VTI1A: variants seen among roughly 807,000 people sequenced by gnomAD.
VTI1A encodes the protein vesicle transport through interaction with t-SNAREs 1A.
VTI1A carries 22 observed loss-of-function variants against 34.9 expected under a neutral mutation model. That is an observed-to-expected ratio of 0.63 (90% CI 0.45 to 0.90). The LOEUF (loss-of-function observed/expected upper bound fraction) is 0.90. Ranked by LOEUF, VTI1A falls within the 40% of genes least tolerant of loss-of-function variation. VTI1A has a pLI of 0.00. For missense variants in VTI1A, 268 were observed against 275.6 expected, an observed-to-expected ratio of 0.97 and a Z score of 0.20; for synonymous variants, 87 against 97.3, an observed-to-expected ratio of 0.89 and a Z score of 0.62.
rs1472974691 is a variant in VTI1A at position 112,559,731 on chromosome 10, TA to T, written c.427+21405del. On this transcript the variant is annotated intron_variant, in intron 5 of 7. Coordinates refer to ENST00000393077, the MANE Select transcript of VTI1A (RefSeq NM_145206.4). ...TAGGAAAGACTGGTGCTTACTTCAA[TA>T]AAATGTTAATTCTGTACACACAGAG... is the stretch of plus-strand genomic sequence containing the variant. Among the ~76,000 whole-genome samples, 4 of 152,286 alleles carry T rather than the reference TA, an allele frequency of 2.6e-5. No homozygotes were observed. The East Asian group carries it at 7.7e-4, about 29-fold the overall frequency.
At chr10:112,544,662 C>T (rs1229326237) in intron 5 of VTI1A, among the ~76,000 whole-genome samples, 1 of 152,036 alleles carries the variant, frequency 6.6e-6, no homozygotes, top group Admixed American at 6.5e-5. Flanking sequence ...GGCTACCTTA[C>T]ATTGGCTAGT....
At chr10:112,803,319 T>C (rs1447612717) in intron 7 of VTI1A, among the ~76,000 whole-genome samples, 2 of 152,302 alleles carry the variant, frequency 1.3e-5, no homozygotes, top group East Asian at 3.9e-4. Flanking sequence ...CCACCCGCCT[T>C]GGCCTCCCAA....
chr10:112,754,119 G>A (rs1040278069), intron 7 of VTI1A, among the ~76,000 whole-genome samples: 3 of 152,214 alleles, frequency 2.0e-5, no homozygotes, highest in Admixed American at 6.5e-5. Context: ...TTGGGAAAAT[G>A]TTAAGCCCAA....
At chr10:112,663,056 C>A (rs527287454) in intron 5 of VTI1A, among the ~76,000 whole-genome samples, 3 of 152,348 alleles carry the variant, frequency 2.0e-5, no homozygotes, top group African/African-American at 7.2e-5. Context: ...TATAAGCACA[C>A]AAGAATGTGT....
At chr10:112,606,266 C>A (rs1845079714) in intron 5 of VTI1A, among the ~76,000 whole-genome samples, 1 of 152,088 alleles carries the variant, frequency 6.6e-6, no homozygotes, top group Non-Finnish European at 1.5e-5. Flanking sequence ...CTCAGGTGAT[C>A]CACCGACTTC....
intron 3 of VTI1A, among the ~76,000 whole-genome samples, chr10:112,524,353 A>G (rs1241539318): frequency 6.6e-6 from 1 of 152,164 alleles, no homozygotes; most frequent in Non-Finnish European, 1.5e-5. Flanking sequence ...CGTGCTCATG[A>G]GGAACTGTTT....
intron 7 of VTI1A, among the ~76,000 whole-genome samples, chr10:112,675,372 T>C (rs528069335): frequency 6.6e-6 from 1 of 152,314 alleles, no homozygotes; most frequent in South Asian, 2.1e-4. Flanking sequence ...TACCAACTAT[T>C]TGTCCTTCTA....
intron 7 of VTI1A, among the ~76,000 whole-genome samples, chr10:112,789,422 T>C (rs1233336949): frequency 6.6e-6 from 1 of 152,160 alleles, no homozygotes; most frequent in East Asian, 1.9e-4. Context: ...TTAATCATAT[T>C]TGTTATTTGC....
intron 7 of VTI1A, among the ~76,000 whole-genome samples, chr10:112,747,025 C>T (rs890049903): frequency 3.3e-5 from 5 of 152,156 alleles, no homozygotes; most frequent in African/African-American, 9.7e-5. Context: ...ACTTACCCAG[C>T]GCAGTCACAC....
At chr10:112,772,058 T>C (rs1851828309) in intron 7 of VTI1A, among the ~76,000 whole-genome samples, 2 of 152,234 alleles carry the variant, frequency 1.3e-5, no homozygotes, top group African/African-American at 4.8e-5. Flanking sequence ...TTTTATTCTC[T>C]TATATAACTT....
intron 3 of VTI1A, among the ~76,000 whole-genome samples, chr10:112,477,966 A>G (rs1385114071): frequency 2.6e-5 from 4 of 152,128 alleles, no homozygotes; most frequent in African/African-American, 7.2e-5. Context: ...GAAAATTACT[A>G]TCCTCATAGC....
chr10:112,849,847 A>T, the VTI1A span, among the ~76,000 whole-genome samples: 1 of 152,134 alleles, frequency 6.6e-6, no homozygotes, highest in South Asian at 2.1e-4. Flanking sequence ...GTGAATGTGA[A>T]ATGTGCCCAC....
At chr10:112,773,873 T>C (rs994722959) in intron 7 of VTI1A, among the ~76,000 whole-genome samples, 1 of 152,160 alleles carries the variant, frequency 6.6e-6, no homozygotes, top group Non-Finnish European at 1.5e-5. Flanking sequence ...TGTGAAGATA[T>C]TGGGAGGTGT....
intron 4 of VTI1A, among the ~76,000 whole-genome samples, chr10:112,532,380 G>A (rs936694451): frequency 2.0e-5 from 3 of 152,178 alleles, no homozygotes; most frequent in African/African-American, 4.8e-5. Flanking sequence ...ATTATCAGTC[G>A]TAGACCTGAA....
downstream of VTI1A, among the ~76,000 whole-genome samples, chr10:112,820,055 G>A (rs116261174): frequency 6.4e-3 from 971 of 152,334 alleles, 13 homozygotes; most frequent in African/African-American, 0.023. Context: ...GAGCCACGGC[G>A]TGGGAGGTAC....
Position 112,480,520 on chromosome 10 carries a change from G to GTGTGCA in VTI1A, c.264+15881_264+15886dup, listed in dbSNP as rs564413978. Among the ~76,000 whole-genome samples, 37 of 152,252 alleles carry GTGTGCA rather than the reference G, an allele frequency of 2.4e-4. No individual in the cohort carries two copies. The East Asian group carries it at 5.0e-3, about 21-fold the overall frequency. On this transcript the variant is annotated intron_variant, in intron 3 of 7. Coordinates refer to ENST00000393077, the MANE Select transcript of VTI1A (RefSeq NM_145206.4). ...AGGGTCATTCAACCCATATGTGTGT[G>GTGTGCA]TGTGCATGTGCATGTGCATGTGCGT...
chr10:112,787,045 G>T (rs979743606), intron 7 of VTI1A, among the ~76,000 whole-genome samples: 2 of 152,040 alleles, frequency 1.3e-5, no homozygotes, highest in Non-Finnish European at 2.9e-5. Context: ...GCTTTTCTTT[G>T]TGGGAAGATT....
chr10:112,751,843 A>T (rs186453858), intron 7 of VTI1A, among the ~76,000 whole-genome samples: 73 of 152,324 alleles, frequency 4.8e-4, no homozygotes, highest in African/African-American at 1.6e-3. Context: ...TGGTTACACA[A>T]TCACATTGAG....
At chr10:112,652,150 C>G (rs1445160203) in intron 5 of VTI1A, among the ~76,000 whole-genome samples, 1 of 152,210 alleles carries the variant, frequency 6.6e-6, no homozygotes, top group Non-Finnish European at 1.5e-5. Flanking sequence ...ATGGTTGCAG[C>G]AGTGCTTAGT....
Sources: allele counts gnomAD v4.1 joint callset (sites outside exome capture counted in the v4.1 genomes callset), GRCh38; gene constraint gnomAD v4.1.1; transcripts MANE v1.5; gene names NCBI Gene and HGNC (gene_info 2026-07-23, HGNC 2026-07-21).